COL4A2: variants seen among roughly 807,000 people sequenced by gnomAD.
COL4A2 encodes the protein collagen alpha-2(IV) chain.
In COL4A2, 99 loss-of-function variants were observed where a neutral mutation model predicts 200.2. The ratio of observed to expected loss-of-function variants is 0.49; its 90% CI spans 0.42 to 0.58. COL4A2 has a LOEUF of 0.58. Among genes scored for constraint, COL4A2 ranks in the 20% least tolerant of loss-of-function variants. COL4A2 has a pLI of 0.00. For missense variants in COL4A2, 1,950 were observed against 2,314.1 expected (o/e 0.84, Z 3.23); for synonymous variants, 897 against 900.6 (o/e 1.00, Z 0.07).
rs34607597 is a variant in COL4A2, at chr13:110,470,399, C to G, written c.2203+1075C>G. Among the ~76,000 whole-genome samples, 1,179 of 152,254 alleles carry G rather than the reference C, an allele frequency of 7.7e-3. 13 individuals carry two copies. The highest frequency in any genetic ancestry group is 0.026 in the South Asian group (123 of 4,822). On this transcript the variant is annotated intron_variant, in intron 28 of 47. Coordinates refer to ENST00000360467, the MANE Select transcript of COL4A2 (RefSeq NM_001846.4). ...CCTCTTGTTGCTAGAAAGTTCCTCC[C>G]TGGAATACAGCCTGCCTCCCAGGGA... is the stretch of plus-strand genomic sequence containing the variant.
intron 4 of COL4A2, among the ~76,000 whole-genome samples, chr13:110,410,939 T>C (rs1465406387): frequency 1.3e-5 from 2 of 152,186 alleles, no homozygotes; most frequent in African/African-American, 4.8e-5. Context: ...AACTGATCAG[T>C]GTTAAATCAC....
intron 32 of COL4A2, among the ~76,000 whole-genome samples, chr13:110,482,894 C>A (rs1217402613): frequency 4.6e-5 from 7 of 152,178 alleles, no homozygotes; most frequent in Non-Finnish European, 1.5e-5. Context: ...TCTTGAGAAC[C>A]AAAATGATGG....
intron 18 of COL4A2, among the ~76,000 whole-genome samples, chr13:110,449,255 T>G (rs1232864610): frequency 6.6e-6 from 1 of 152,132 alleles, no homozygotes; most frequent in Admixed American, 6.5e-5. Context: ...CATGCCACTT[T>G]GTCTTTGTTT....
intron 3 of COL4A2, among the ~76,000 whole-genome samples, chr13:110,355,807 GAGTGGGGAGGGCTGCACTAGCTCACC>G (rs1566490367): frequency 1.3e-4 from 8 of 62,332 alleles, no homozygotes; most frequent in Non-Finnish European, 2.8e-5. Flanking sequence ...TCACCTGTGT[GAGTGGGGAGGGCTGCACTAGCTCACC>G]TGTGTGTGGG....
At chr13:110,347,896 A>AG (rs1876782578) in intron 3 of COL4A2, among the ~76,000 whole-genome samples, 2 of 152,220 alleles carry the variant, frequency 1.3e-5, no homozygotes, top group African/African-American at 4.8e-5. Context: ...CCGATGACTC[A>AG]GGGGAGGGCA....
intron 4 of COL4A2, among the ~76,000 whole-genome samples, chr13:110,410,289 G>T (rs932995346): frequency 2.6e-5 from 4 of 152,234 alleles, no homozygotes; most frequent in Non-Finnish European, 5.9e-5. Flanking sequence ...AGCCCAGGTT[G>T]TTCTCTAGGC....
Position 110,347,605 on chromosome 13 carries a change from A to G in COL4A2, c.100-9867A>G, listed in dbSNP as rs576841814. On this transcript the variant is annotated intron_variant, in intron 3 of 47. Transcript: ENST00000360467. ...TGCTTTAAATGTCTCAGGATGACTA[A>G]TGTCACTGGGATGTGTTCTGGCCCT... is the stretch of plus-strand genomic sequence containing the variant. Among the ~76,000 whole-genome samples the G allele has an allele frequency of 3.9e-5, 6 of 152,344 alleles. No homozygotes were observed. In the East Asian group the frequency reaches 9.6e-4, roughly 24 times the overall value.
rs746014302 is a variant in COL4A2 at position 110,431,886 on chromosome 13, C to T, written c.649-439C>T. Among the ~76,000 whole-genome samples, 8 of 152,310 alleles carry T rather than the reference C, an allele frequency of 5.3e-5. No homozygotes were observed. In the South Asian group the frequency reaches 1.2e-3, roughly 24 times the overall value. On this transcript the variant is annotated intron_variant, in intron 10 of 47. Transcript: ENST00000360467. ...ACCATGATACTGCAGATGGACTTTC[C>T]GCTCTGCAGTGCCAGCTTGTAGATT...
At chr13:110,458,044 C>A in intron 21 of COL4A2, 1 of 445,956 alleles carries the variant, frequency 2.2e-6, no homozygotes, top group South Asian at 1.7e-5. Flanking sequence ...TGTGCTCCTG[C>A]TCACCTCTCC....
chr13:110,450,067 C>G (rs1248219430), intron 19 of COL4A2, among the ~76,000 whole-genome samples: 1 of 152,168 alleles, frequency 6.6e-6, no homozygotes, highest in East Asian at 1.9e-4. Context: ...GGAGAATCAT[C>G]AGGTGTTGTT....
At chr13:110,496,778 G>A (rs926516846) in intron 40 of COL4A2, among the ~76,000 whole-genome samples, 1 of 151,222 alleles carries the variant, frequency 6.6e-6, no homozygotes, top group Non-Finnish European at 1.5e-5. Context: ...GAGGATCTAG[G>A]GTCAGTCCAT....
chr13:110,503,338 C>G, intron 42 of COL4A2, 45 bp from the exon 43 acceptor site: 2 of 1,588,236 alleles, frequency 1.3e-6, no homozygotes, highest in Non-Finnish European at 1.7e-6. Context: ...GAGGAGCCCC[C>G]TCCCCACAGA....
intron 3 of COL4A2, among the ~76,000 whole-genome samples, chr13:110,315,053 C>T (rs1393345202): frequency 6.6e-6 from 1 of 152,242 alleles, no homozygotes; most frequent in Non-Finnish European, 1.5e-5. Context: ...CTGTCATCAC[C>T]CTGCCATTGA....
chr13:110,474,263 A>C (rs2139514084), intron 29 of COL4A2, among the ~76,000 whole-genome samples: 1 of 152,330 alleles, frequency 6.6e-6, no homozygotes, highest in East Asian at 1.9e-4. Context: ...TGTGGGAAGC[A>C]GGTGTCGCTC....
In COL4A2 at chr13:110,491,194, G is replaced by A. The variant is rs35120918; in HGVS notation, c.3347-39G>A. On this transcript the variant is annotated intron_variant, in intron 36 of 47. Transcript: ENST00000360467. ...GGTTCCAGGGAACCCACAGGGGCGC[G>A]GTGTCTGTTTGTTCCAAGCAGCATG... 0.01 allele frequency: 14,930 copies of A among 1,437,422 alleles called. 86 individuals are homozygous for A. Among genetic ancestry groups the A allele is most frequent in the African/African-American group, 0.015 (1,040 of 70,926 alleles). The allele number at this position is 1,437,422 out of a possible 1,614,324, so 89.0% of individuals were successfully genotyped here. A position where few individuals can be genotyped will look rare whatever the true frequency, so the allele number is the denominator to read the frequency against.
At chr13:110,492,212 C>G in intron 38 of COL4A2, 35 bp downstream of exon 38, 1 of 1,536,844 alleles carries the variant, frequency 6.5e-7, no homozygotes, top group Non-Finnish European at 8.8e-7. Context: ...CACCCAGACC[C>G]AGAGTCGTGG....
chr13:110,350,208 A>G (rs534938413), intron 3 of COL4A2, among the ~76,000 whole-genome samples: 12 of 152,330 alleles, frequency 7.9e-5, no homozygotes, highest in East Asian at 7.7e-4. Context: ...TTGCATTCCA[A>G]TTGAGTAGAA....
rs748071531 is a variant in COL4A2, at chr13:110,506,447, C to T, written c.4435C>T (p.Pro1479Ser). Residue 1479 changes from proline (P) to serine (S), a missense_variant, in exon 46 of 48, where the codon CCG becomes TCG. By Grantham distance (74) the Pro-to-Ser change is moderately conservative. This residue lies in a region of COL4A2 where 1,385 missense variants were observed against 1,720.5 expected (regional missense o/e 0.80). Transcript: ENST00000360467. ...AGGCCGTCCAGGGAGCCCGGGCCTG[C>T]CGGGTATGCCAGGCCGCAGCGTCAG... ...APGRPGSPGL[P>S]GMPGRSVSIG... 6.2e-7 allele frequency: 1 copy of T among 1,612,236 alleles called. No individual in the cohort carries two copies. Among genetic ancestry groups the T allele is most frequent in the Non-Finnish European group, 8.5e-7 (1 of 1,179,522 alleles).
At chr13:110,315,942 G>T (rs946702121) in intron 3 of COL4A2, among the ~76,000 whole-genome samples, 1 of 152,010 alleles carries the variant, frequency 6.6e-6, no homozygotes. Context: ...TAAAAGAGGA[G>T]ATTAAAATGT....
Sources: gnomAD v4.1 joint callset for allele counts (sites outside exome capture counted in the v4.1 genomes callset) on GRCh38, gnomAD v4.1.1 for gene constraint, gnomAD v4.1.1 regional missense constraint, MANE v1.5 for transcripts, NCBI Gene and HGNC (gene_info 2026-07-23, HGNC 2026-07-21) for gene names.